The following ZNF385A variants were observed in gnomAD, a reference collection of about 807,000 sequenced individuals.
ZNF385A encodes zinc finger protein 385A, also known as hematopoietic zinc finger protein.
Under a neutral mutation model 32.1 loss-of-function variants are expected in ZNF385A, and 14 were observed. The observed-to-expected ratio is 0.44, with a 90% CI of 0.29 to 0.68. The LOEUF (loss-of-function observed/expected upper bound fraction) is 0.68. Among genes scored for constraint, ZNF385A ranks in the 30% least tolerant of loss-of-function variants. ZNF385A has a pLI of 0.14. For missense variants in ZNF385A, 406 were observed against 478.4 expected (o/e 0.85, Z 1.41); for synonymous variants, 197 against 202.7 (o/e 0.97, Z 0.24).
At chr12:54,373,768 C>T (rs1396064053) in intron 3 of ZNF385A, among the ~76,000 whole-genome samples, 1 of 151,788 alleles carries the variant, frequency 6.6e-6, no homozygotes, top group African/African-American at 2.4e-5. Context: ...AGTGGGGACT[C>T]TGTTGAGAGG....
upstream of ZNF385A, chr12:54,384,976 A>G: frequency 1.1e-6 from 1 of 941,004 alleles, no homozygotes; most frequent in Non-Finnish European, 1.3e-6. Flanking sequence ...CGCCCCAGGA[A>G]GAAGAGAGTC....
In ZNF385A at chr12:54,370,883, C is replaced by T. The variant is rs200781899; in HGVS notation, c.774+44G>A. On this transcript the variant is annotated intron_variant, in intron 5 of 6. Coordinates refer to ENST00000394313, the MANE Select transcript of ZNF385A (RefSeq NM_015481.3). This position sits in a 1 kb window ranked among gnomAD's most constrained non-coding sequence, Gnocchi z 5.5. ...CTCCTTGCTCCCCTTCCCCACTTAG[C>T]GGGTGGAGCGTCCCAGAATTCCTGG... is the stretch of plus-strand genomic sequence containing the variant. 3,636 of 1,613,174 alleles carry T rather than the reference C, an allele frequency of 2.3e-3. 17 individuals are homozygous for T. Among genetic ancestry groups the T allele is most frequent in the Non-Finnish European group, 2.6e-3 (3,073 of 1,179,404 alleles).
chr12:54,391,216 A>C, intron 1 of ZNF385A: 1 of 1,463,144 alleles, frequency 6.8e-7, no homozygotes, highest in Admixed American at 2.3e-5. Context: ...GGGAGCCTGG[A>C]GTCGCAGAGA....
chr12:54,371,748 T>C (rs1954565316), intron 3 of ZNF385A, 33 bp from the exon 4 acceptor site: 1 of 1,609,222 alleles, frequency 6.2e-7, no homozygotes, highest in African/African-American at 1.3e-5. Flanking sequence ...GGGATCACCC[T>C]AGATGGCTCT....
rs767637932 is a variant in ZNF385A at position 54,371,565 on chromosome 12, T to A, written c.512A>T (p.Lys171Met). 1.1e-5 allele frequency: 17 copies of A among 1,613,640 alleles called. No homozygotes were observed. The East Asian group carries it at 3.3e-4, about 32-fold the overall frequency. Residue 171 changes from lysine to methionine, a missense_variant, in exon 4 of 7, where the codon AAG (lysine) becomes ATG (methionine). By Grantham distance (95) the Lys-to-Met change is moderately conservative. Coordinates refer to ENST00000394313, the MANE Select transcript of ZNF385A (RefSeq NM_015481.3). ...PAPASLPGGS[K>M]EEEEKAKRLL... is the part of the protein sequence containing the mutation. ...CCGCTTGGCTTTCTCCTCCTCTTCC[T>A]TGCTACCCCCAGGCAAGGAAGCCGG...
chr12:54,370,286 C>G lies in ZNF385A; in HGVS notation c.1071G>C (p.Ala357=). The G allele has an allele frequency of 6.8e-7, 1 of 1,475,316 alleles. No individual in the cohort carries two copies. Among genetic ancestry groups the G allele is most frequent in the African/African-American group, 1.4e-5 (1 of 70,852 alleles). The allele number at this position is 1,475,316 out of a possible 1,614,324, so 91.4% of individuals were successfully genotyped here. A position where few individuals can be genotyped will look rare whatever the true frequency, so the allele number is the denominator to read the frequency against. Residue 357 remains alanine (A), a synonymous_variant, in exon 7 of 7, where the codon GCG becomes GCC. Coordinates refer to ENST00000394313, the MANE Select transcript of ZNF385A (RefSeq NM_015481.3). The surrounding 1 kb of genome is among the most constrained non-coding windows in gnomAD (Gnocchi z 5.5). ...LHPAPGPIRT[A]HGPILFSPY Reference sequence around the variant, plus strand: ...ACGGGGAGAAGAGGATGGGTCCGTGCGCAGTTCGGATGGGTCCGGGGGCCG... The same window carrying G: ...ACGGGGAGAAGAGGATGGGTCCGTGGGCAGTTCGGATGGGTCCGGGGGCCG...
chr12:54,383,670 G>C (rs947558089), intron 1 of ZNF385A, among the ~76,000 whole-genome samples: 3 of 152,174 alleles, frequency 2.0e-5, no homozygotes, highest in African/African-American at 7.2e-5. Context: ...TGAGGCAGGC[G>C]GATCACCTGA....
In ZNF385A at chr12:54,370,912, G is replaced by A. The variant is rs377489736; in HGVS notation, c.774+15C>T. 7.4e-6 allele frequency: 12 copies of A among 1,614,162 alleles called. No homozygotes were observed. Among genetic ancestry groups the A allele is most frequent in the Non-Finnish European group, 1.0e-5 (12 of 1,179,998 alleles). On this transcript the variant is annotated intron_variant, in intron 5 of 6. Coordinates refer to ENST00000394313, the MANE Select transcript of ZNF385A (RefSeq NM_015481.3). This position sits in a 1 kb window ranked among gnomAD's most constrained non-coding sequence, Gnocchi z 5.5. ...TGGAGCGTCCCAGAATTCCTGGGAA[G>A]GGCCTTAGACCCACCTGTTTCAGTT...
chr12:54,379,575 C>T (rs1443889970), intron 1 of ZNF385A, among the ~76,000 whole-genome samples: 11 of 152,124 alleles, frequency 7.2e-5, no homozygotes, highest in Admixed American at 7.2e-4. Flanking sequence ...GACCCTTCCC[C>T]AGCTTCCTCT....
At chr12:54,382,861 TA>T (rs1421787480) in intron 1 of ZNF385A, among the ~76,000 whole-genome samples, 1 of 152,018 alleles carries the variant, frequency 6.6e-6, no homozygotes, top group African/African-American at 2.4e-5. Flanking sequence ...TATTTATTAT[TA>T]TTTTTTAAAA....
chr12:54,371,042 G>A lies in ZNF385A; in HGVS notation c.659C>T (p.Ala220Val). Residue 220 changes from alanine to valine, a missense_variant, in exon 5 of 7, where the codon GCT (alanine) becomes GTT (valine). Physicochemically the swap from Ala to Val is moderately conservative, Grantham distance 64. Transcript: ENST00000394313. ...GGTGGGAGGCCCCAGCCGAGGGTAA[G>A]CTTTGATGGGCCCGAGCCCACTTCG... is the stretch of plus-strand genomic sequence containing the variant. ...EARSGLGPIK[A>V]YPRLGPPTPG... 2 of 1,614,132 alleles carry A rather than the reference G, an allele frequency of 1.2e-6. No homozygotes were observed. The highest frequency in any genetic ancestry group is 1.3e-5 in the African/African-American group (1 of 75,056).
At chr12:54,380,308 C>T (rs114939042) in intron 1 of ZNF385A, among the ~76,000 whole-genome samples, 159 of 152,328 alleles carry the variant, frequency 1.0e-3, no homozygotes, top group African/African-American at 3.6e-3. Flanking sequence ...ATCTTCACAA[C>T]CACTATTTGA....
At chr12:54,371,826 AC>A in intron 3 of ZNF385A, 111 bp from the exon 4 acceptor site, 1 of 1,483,790 alleles carries the variant, frequency 6.7e-7, no homozygotes, top group Middle Eastern at 2.3e-4. Context: ...AGGAGTCCCC[AC>A]CCTGTTACAA....
chr12:54,376,197 C>T (rs200627454), intron 1 of ZNF385A, among the ~76,000 whole-genome samples: 1 of 152,214 alleles, frequency 6.6e-6, no homozygotes, highest in Non-Finnish European at 1.5e-5. Context: ...GTTTGCCCAA[C>T]GTCACACCAT....
chr12:54,384,522 G>A lies in ZNF385A; in HGVS notation c.-8C>T. ...GTCCAGTGGGGGCTGCATGATCGGG[G>A]GCTGCCGTAGCAGAGGCAGGGGCCC... On this transcript the variant is annotated 5_prime_UTR_variant, in exon 1 of 7. Coordinates refer to ENST00000394313, the MANE Select transcript of ZNF385A (RefSeq NM_015481.3). The A allele has an allele frequency of 6.6e-7, 1 of 1,523,096 alleles. No homozygotes were observed. The allele number at this position is 1,523,096 out of a possible 1,614,324, so 94.3% of individuals were successfully genotyped here. A position where few individuals can be genotyped will look rare whatever the true frequency, so the allele number is the denominator to read the frequency against.
chr12:54,383,863 C>T (rs1371163198), intron 1 of ZNF385A, among the ~76,000 whole-genome samples: 4 of 152,216 alleles, frequency 2.6e-5, no homozygotes, highest in Non-Finnish European at 5.9e-5. Context: ...CACTGCACAC[C>T]AGACTGGGCA....
In ZNF385A at chr12:54,374,087, T is replaced by TGACTCGTCGGG; in HGVS notation, c.236_246dup (p.Lys83ProfsTer38). Reference sequence around the variant, plus strand: ...CTGGTCTTGGCAGCCTCAATGCCTTTGACTCGTCGGGCGTGGCGATTACCT... The same window carrying TGACTCGTCGGG: ...CTGGTCTTGGCAGCCTCAATGCCTTTGACTCGTCGGGGACTCGTCGGGCGTGGCGATTACCT... On this transcript the variant is annotated frameshift_variant, in exon 3 of 7. Transcript: ENST00000394313. LOFTEE classifies it high-confidence loss of function. 1.9e-6 allele frequency: 3 copies of TGACTCGTCGGG among 1,597,142 alleles called. No individual in the cohort carries two copies. Among genetic ancestry groups the TGACTCGTCGGG allele is most frequent in the Non-Finnish European group, 2.6e-6 (3 of 1,168,916 alleles).
chr12:54,380,275 C>T (rs189112579), intron 1 of ZNF385A, among the ~76,000 whole-genome samples: 103 of 152,352 alleles, frequency 6.8e-4, no homozygotes, highest in African/African-American at 2.5e-3. Flanking sequence ...GTACTGAGCT[C>T]TTTGCATGGA....
intron 1 of ZNF385A, among the ~76,000 whole-genome samples, chr12:54,377,972 G>T (rs1442427416): frequency 6.6e-6 from 1 of 152,204 alleles, no homozygotes. Context: ...AGGATGACTT[G>T]TGGACTGGCC....
Sources: allele counts gnomAD v4.1 joint callset (sites outside exome capture counted in the v4.1 genomes callset), GRCh38; gene constraint gnomAD v4.1.1; non-coding constraint Gnocchi (gnomAD v3.1); transcripts MANE v1.5; gene names NCBI Gene and HGNC (gene_info 2026-07-23, HGNC 2026-07-21).